SOX15: variants seen among roughly 807,000 people sequenced by gnomAD.
The protein encoded by SOX15 is transcription factor SOX-15.
SOX15 carries 12 observed loss-of-function variants against 15.9 expected under a neutral mutation model. The ratio of observed to expected loss-of-function variants is 0.75; its 90% confidence interval spans 0.48 to 1.22. SOX15 has a LOEUF of 1.22. Among genes scored for constraint, SOX15 ranks in the 50% most tolerant of loss-of-function variants. The probability of loss-of-function intolerance (pLI) is 0.00; values close to 1 mark genes in which losing one functional copy is unlikely to be tolerated. For missense variants in SOX15, 309 were observed against 313.9 expected (o/e 0.98, Z 0.12); for synonymous variants, 149 against 142.8 (o/e 1.04, Z -0.31).
rs749283532 is a variant in SOX15, at chr17:7,588,480, C to T, written c.600G>A (p.Gln200=). 10 of 1,613,774 alleles carry T rather than the reference C, an allele frequency of 6.2e-6. No homozygotes were observed. In the African/African-American group the frequency reaches 1.2e-4, roughly 19 times the overall value. ...CSLPQSDPRL[Q]GELLPTYTHY... ...GGGTATAGGTGGGCAGCAGTTCCCC[C>T]TGGAGCCTAGGGTCACTCTGAGGGA... Residue 200 remains glutamine (Q), a synonymous_variant, in exon 2 of 2, where the codon CAG becomes CAA. Transcript: ENST00000250055.
rs569228608 is a variant in SOX15 at position 7,589,343 on chromosome 17, C to G, written c.334G>C (p.Asp112His). The change falls in exon 1 of 2, where the codon GAC becomes CAC. Residue 112 changes from aspartate to histidine, a missense_variant. Coordinates refer to ENST00000250055, the MANE Select transcript of SOX15 (RefSeq NM_006942.2). ...AKRLRARHLR[D>H]YPDYKYRPRR... ...GGCCGGTACTTGTAGTCGGGGTAGT[C>G]GCGCAGGTGTCGGGCGCGGAGCCGC... The G allele has an allele frequency of 6.2e-7, 1 of 1,608,446 alleles. No individual in the cohort carries two copies. Among genetic ancestry groups the G allele is most frequent in the East Asian group, 2.2e-5 (1 of 44,740 alleles).
rs112612580 is a variant in SOX15 at position 7,589,029 on chromosome 17, G to A, written c.533+115C>T. On this transcript the variant is annotated intron_variant, in intron 1 of 1. Transcript: ENST00000250055. ...ACTGGGCCTGCGCCCGCCACACCTTGGCCGCGAGTGGCCTCTGCTTGGGTG... is the reference window on the plus strand; with the variant it reads ...ACTGGGCCTGCGCCCGCCACACCTTAGCCGCGAGTGGCCTCTGCTTGGGTG... 1.7e-4 allele frequency: 170 copies of A among 988,712 alleles called. 2 individuals carry two copies. The East Asian group carries it at 3.7e-3, about 22-fold the overall frequency. The allele number at this position is 988,712 out of a possible 1,614,324, so 61.2% of individuals were successfully genotyped here. A position where few individuals can be genotyped will look rare whatever the true frequency, so the allele number is the denominator to read the frequency against.
chr17:7,589,771 C>A lies in SOX15; in HGVS notation c.-95G>T. On this transcript the variant is annotated 5_prime_UTR_variant, in exon 1 of 2. Transcript: ENST00000250055. ...TGGAAAGGTCTTCCCAGTCTGGAGT[C>A]GTTGCCGAGGAACTTGGGTCCTTAA... is the stretch of plus-strand genomic sequence containing the variant. 2 of 1,160,970 alleles carry A rather than the reference C, an allele frequency of 1.7e-6. No individual in the cohort carries two copies. The highest frequency in any genetic ancestry group is 1.6e-5 in the South Asian group (1 of 63,696). The allele number at this position is 1,160,970 out of a possible 1,614,324, so 71.9% of individuals were successfully genotyped here.
chr17:7,588,274 A>C lies in SOX15; in HGVS notation c.*104T>G. ...TGGGAGGACTGCAGGCTGCCTCTGA[A>C]CTGTAGTCCAACAGGAGAAAGGGTT... On this transcript the variant is annotated 3_prime_UTR_variant, in exon 2 of 2. Coordinates refer to ENST00000250055, the MANE Select transcript of SOX15 (RefSeq NM_006942.2). The C allele has an allele frequency of 8.8e-7, 1 of 1,132,716 alleles. No individual in the cohort carries two copies. 70.2% of individuals were successfully genotyped at this position (1,132,716 alleles called of 1,614,324 possible).
Position 7,589,622 on chromosome 17 carries a change from C to G in SOX15, c.55G>C (p.Ala19Pro). The change falls in exon 1 of 2, where the codon GCC (alanine) becomes CCC (proline). Residue 19 changes from alanine to proline, a missense_variant. By Grantham distance (27) the Ala-to-Pro change is conservative. Transcript: ENST00000250055. Reference protein sequence around the residue: ...DQAWSLEPPAATAAASSSSGP... With the variant: ...DQAWSLEPPAPTAAASSSSGP... ...GAAGATGAGGAGGCAGCAGCCGTGGCAGCCGGAGGCTCCAGGCTCCAGGCC... is the reference window on the plus strand; with the variant it reads ...GAAGATGAGGAGGCAGCAGCCGTGGGAGCCGGAGGCTCCAGGCTCCAGGCC... 1.3e-6 allele frequency: 2 copies of G among 1,552,794 alleles called. No homozygotes were observed. Among genetic ancestry groups the G allele is most frequent in the Non-Finnish European group, 8.7e-7 (1 of 1,151,714 alleles).
Position 7,588,479 on chromosome 17 carries a change from C to T in SOX15, c.601G>A (p.Gly201Arg). ...TGGGTATAGGTGGGCAGCAGTTCCC[C>T]CTGGAGCCTAGGGTCACTCTGAGGG... ...SLPQSDPRLQGELLPTYTHYL... is the reference protein window; with the variant it reads ...SLPQSDPRLQRELLPTYTHYL... Residue 201 changes from glycine (G) to arginine (R), a missense_variant, in exon 2 of 2, where the codon GGG becomes AGG. Transcript: ENST00000250055. 1 of 1,613,844 alleles carries T rather than the reference C, an allele frequency of 6.2e-7. No individual in the cohort carries two copies. Among genetic ancestry groups the T allele is most frequent in the Non-Finnish European group, 8.5e-7 (1 of 1,179,896 alleles).
Position 7,589,890 on chromosome 17 carries a change from G to A in SOX15, c.-214C>T, listed in dbSNP as rs2071638815. The A allele has an allele frequency of 3.5e-6, 2 of 569,090 alleles. No individual in the cohort carries two copies. The highest frequency in any genetic ancestry group is 6.1e-6 in the Non-Finnish European group (2 of 326,554). 35.3% of individuals were successfully genotyped at this position (569,090 alleles called of 1,614,324 possible). A position where few individuals can be genotyped will look rare whatever the true frequency, so the allele number is the denominator to read the frequency against. ...TTGGGGAGAGTCGAATGCAAAATCCGCTGTCTGGTGCCCCGGCACTGAAGA... is the reference window on the plus strand; with the variant it reads ...TTGGGGAGAGTCGAATGCAAAATCCACTGTCTGGTGCCCCGGCACTGAAGA... On this transcript the variant is annotated 5_prime_UTR_variant, in exon 1 of 2. Transcript: ENST00000250055.
At position 7,589,761 on chromosome 17, in the gene SOX15, A is replaced by G; in HGVS notation, c.-85T>C. ...ATCCTGAAAATGGAAAGGTCTTCCCAGTCTGGAGTCGTTGCCGAGGAACTT... is the reference window on the plus strand; with the variant it reads ...ATCCTGAAAATGGAAAGGTCTTCCCGGTCTGGAGTCGTTGCCGAGGAACTT... On this transcript the variant is annotated 5_prime_UTR_variant, in exon 1 of 2. Transcript: ENST00000250055. The G allele has an allele frequency of 8.0e-7, 1 of 1,248,910 alleles. No homozygotes were observed. Among genetic ancestry groups the G allele is most frequent in the South Asian group, 1.5e-5 (1 of 66,542 alleles). 77.4% of individuals were successfully genotyped at this position (1,248,910 alleles called of 1,614,324 possible).
Sources: allele counts gnomAD v4.1 joint callset, GRCh38; gene constraint gnomAD v4.1.1; transcripts MANE v1.5; gene names NCBI Gene and HGNC (gene_info 2026-07-23, HGNC 2026-07-21).